Variants in CUL5 observed in about 807,000 individuals in gnomAD.
CUL5 encodes cullin-5.
CUL5 carries 26 observed loss-of-function variants against 108.8 expected under a neutral mutation model. The observed-to-expected ratio is 0.24, with a 90% CI of 0.18 to 0.33. The LOEUF is 0.33. Among genes scored for constraint, CUL5 ranks in the 10% least tolerant of loss-of-function variants. CUL5 has a pLI of 1.00. For synonymous variants in CUL5, 334 were observed against 298.0 expected (o/e 1.12, Z -1.25); for missense variants, 524 against 909.2 (o/e 0.58, Z 5.45).
Position 108,019,598 on chromosome 11 carries a change from C to T in CUL5, c.24+10226C>T, listed in dbSNP as rs147692319. Among the ~76,000 whole-genome samples, 3 of 152,224 alleles carry T rather than the reference C, an allele frequency of 2.0e-5. No homozygotes were observed. In the East Asian group the frequency reaches 5.8e-4, roughly 29 times the overall value. On this transcript the variant is annotated intron_variant, in intron 1 of 18. Transcript: ENST00000393094. Reference sequence around the variant, plus strand: ...TTGTAGCCCTTGTAACGTAGTAGTGCAATAACACATCACTCGTGTCTGTGG... The same window carrying T: ...TTGTAGCCCTTGTAACGTAGTAGTGTAATAACACATCACTCGTGTCTGTGG...
At chr11:108,076,206 A>AT (rs1425762449) in intron 10 of CUL5, among the ~76,000 whole-genome samples, 4 of 151,102 alleles carry the variant, frequency 2.6e-5, no homozygotes, top group African/African-American at 7.3e-5. Context: ...CTAATTTGTA[A>AT]TTTTTTTTGT....
chr11:108,059,478 A>G (rs1373381557), intron 7 of CUL5, among the ~76,000 whole-genome samples: 1 of 152,200 alleles, frequency 6.6e-6, no homozygotes, highest in Non-Finnish European at 1.5e-5. Context: ...GGTTAGGGTC[A>G]TACATGTTGG....
chr11:108,049,740 T>A, intron 3 of CUL5, 150 bp from the exon 4 acceptor site: 1 of 635,320 alleles, frequency 1.6e-6, no homozygotes, highest in Non-Finnish European at 2.7e-6. Flanking sequence ...GTGTACAAGT[T>A]TTTTTGTGAA....
At chr11:108,044,710 C>T (rs1297177419) in intron 2 of CUL5, among the ~76,000 whole-genome samples, 1 of 150,504 alleles carries the variant, frequency 6.6e-6, no homozygotes, top group Non-Finnish European at 1.5e-5. Flanking sequence ...ACAACTTGGT[C>T]ATTTGATTTA....
chr11:108,097,366 C>T (rs1864527518), intron 16 of CUL5, among the ~76,000 whole-genome samples: 1 of 152,196 alleles, frequency 6.6e-6, no homozygotes, highest in South Asian at 2.1e-4. Context: ...TGGTATATAA[C>T]TGGCAGATGG....
chr11:108,088,344 G>A (rs553473746), intron 11 of CUL5, among the ~76,000 whole-genome samples, 183 bp from the exon 12 acceptor site: 1 of 152,264 alleles, frequency 6.6e-6, no homozygotes, highest in Admixed American at 6.5e-5. Flanking sequence ...TCAGCACTTA[G>A]GGGAACGTAA....
At chr11:108,027,932 C>T (rs1163286803) in intron 1 of CUL5, among the ~76,000 whole-genome samples, 2 of 152,128 alleles carry the variant, frequency 1.3e-5, no homozygotes, top group African/African-American at 4.8e-5. Context: ...TTTCTTGCCA[C>T]CTGTGCTCTG....
Position 108,009,133 on chromosome 11 carries a change from G to C in CUL5, c.-216G>C. The C allele has an allele frequency of 1.7e-6, 1 of 593,744 alleles. No individual in the cohort carries two copies. Among genetic ancestry groups the C allele is most frequent in the Non-Finnish European group, 3.0e-6 (1 of 327,914 alleles). 36.8% of individuals were successfully genotyped at this position (593,744 alleles called of 1,614,324 possible). A position where few individuals can be genotyped will look rare whatever the true frequency, so the allele number is the denominator to read the frequency against. On this transcript the variant is annotated 5_prime_UTR_variant, in exon 1 of 19. Transcript: ENST00000393094. ...AGCGCGTGCATGAGGTCTTTCGCGT[G>C]GGGAAGCTCCGGTGACCATGTAGGG...
intron 7 of CUL5, among the ~76,000 whole-genome samples, chr11:108,066,498 CT>C (rs200531430): frequency 6.0e-5 from 9 of 149,410 alleles, no homozygotes; most frequent in Admixed American, 6.7e-5. Flanking sequence ...CACTCTGTTA[CT>C]TTTTTTTTTG....
intron 7 of CUL5, among the ~76,000 whole-genome samples, chr11:108,058,595 G>A (rs1438961608): frequency 1.3e-5 from 2 of 151,688 alleles, no homozygotes; most frequent in Admixed American, 6.6e-5. Flanking sequence ...ATACTATAGA[G>A]TGTATTGGTG....
chr11:108,071,671 C>T (rs866224451), intron 8 of CUL5, among the ~76,000 whole-genome samples: 4 of 152,100 alleles, frequency 2.6e-5, no homozygotes, highest in Admixed American at 6.6e-5. Context: ...TTCAGCCTCC[C>T]AAGTATCTGG....
At chr11:108,069,468 T>C (rs925560791) in intron 7 of CUL5, among the ~76,000 whole-genome samples, 4 of 152,312 alleles carry the variant, frequency 2.6e-5, no homozygotes, top group Non-Finnish European at 5.9e-5. Context: ...GTACTTACTT[T>C]ACAGGATCCC....
At chr11:108,036,979 CT>C (rs1206823772) in intron 2 of CUL5, among the ~76,000 whole-genome samples, 4 of 152,128 alleles carry the variant, frequency 2.6e-5, no homozygotes, top group Admixed American at 2.6e-4. Flanking sequence ...TTATCTAAAG[CT>C]TTGCTCCAGC....
intron 1 of CUL5, among the ~76,000 whole-genome samples, chr11:108,014,032 A>G (rs903967531): frequency 2.0e-5 from 3 of 152,212 alleles, no homozygotes; most frequent in African/African-American, 7.2e-5. Context: ...CCATATGCTA[A>G]AGGAGAGTAA....
chr11:108,096,877 T>G (rs897355368), intron 16 of CUL5, among the ~76,000 whole-genome samples: 6 of 152,046 alleles, frequency 3.9e-5, no homozygotes, highest in African/African-American at 1.4e-4. Flanking sequence ...ACATACTTAA[T>G]TTTTATACTG....
chr11:108,097,561 G>T, intron 16 of CUL5, 75 bp from the exon 17 acceptor site: 2 of 801,118 alleles, frequency 2.5e-6, no homozygotes, highest in South Asian at 3.4e-5. Flanking sequence ...TGCCTATGTT[G>T]ATTATGTGGG....
chr11:108,094,706 A>G, intron 14 of CUL5, 106 bp from the exon 15 acceptor site: 1 of 982,378 alleles, frequency 1.0e-6, no homozygotes, highest in East Asian at 2.7e-5. Flanking sequence ...CACTTTTAAC[A>G]AAATCTTTAT....
intron 1 of CUL5, among the ~76,000 whole-genome samples, chr11:108,019,987 C>T (rs1351429890): frequency 6.6e-6 from 1 of 152,022 alleles, no homozygotes; most frequent in Non-Finnish European, 1.5e-5. Flanking sequence ...TAACAACCAA[C>T]TCTCAGGGAA....
chr11:108,078,320 CCT>C (rs1379502991), intron 11 of CUL5, 80 bp downstream of exon 11: 1 of 627,396 alleles, frequency 1.6e-6, no homozygotes, highest in Non-Finnish European at 2.7e-6. Context: ...TACAAAGTAC[CCT>C]GTTAGGTTTA....
Sources: allele counts gnomAD v4.1 joint callset (sites outside exome capture counted in the v4.1 genomes callset), GRCh38; gene constraint gnomAD v4.1.1; transcripts MANE v1.5; gene names NCBI Gene and HGNC (gene_info 2026-07-23, HGNC 2026-07-21).